The following SPAG16 variants were observed in gnomAD, a reference collection of about 807,000 sequenced individuals.
The protein encoded by SPAG16 is sperm-associated antigen 16 protein.
In SPAG16, 86 loss-of-function variants were observed where a neutral mutation model predicts 80.4. The ratio of observed to expected loss-of-function variants is 1.07; its 90% CI spans 0.90 to 1.28. SPAG16 has a LOEUF of 1.28. SPAG16 is among the 50% of genes most tolerant of loss of function. The probability of loss-of-function intolerance (pLI) is 0.00; values close to 1 mark genes in which losing one functional copy is unlikely to be tolerated. For synonymous variants in SPAG16, 294 were observed against 265.9 expected, an observed-to-expected ratio of 1.11 and a Z score of -1.03; for missense variants, 870 against 765.3, an observed-to-expected ratio of 1.14 and a Z score of -1.61.
chr2:213,312,746 G>T (rs2063247306), intron 4 of SPAG16, among the ~76,000 whole-genome samples: 1 of 151,692 alleles, frequency 6.6e-6, no homozygotes, highest in Non-Finnish European at 1.5e-5. Context: ...AATAATGGAA[G>T]AGATTGTAAA....
intron 15 of SPAG16, among the ~76,000 whole-genome samples, chr2:214,224,874 T>G (rs562415657): frequency 2.4e-4 from 36 of 152,128 alleles, no homozygotes; most frequent in Non-Finnish European, 4.7e-4. Context: ...AGGGCTTATC[T>G]TCTAGTGAGG....
Position 213,727,856 on chromosome 2 carries a change from A to AT in SPAG16, c.1071-134625dup, listed in dbSNP as rs776352694. Among the ~76,000 whole-genome samples, 309 of 151,628 alleles carry AT rather than the reference A, an allele frequency of 2.0e-3. 3 individuals are homozygous for AT. Among genetic ancestry groups the AT allele is most frequent in the Middle Eastern group, 3.4e-3 (1 of 292 alleles). On this transcript the variant is annotated intron_variant, in intron 10 of 15. Coordinates refer to ENST00000331683, the MANE Select transcript of SPAG16 (RefSeq NM_024532.5). ...GATGAATGACTTTTTATTTTATTTT[A>AT]TTTTATTTTGAGACGGAATTTCACT... is the stretch of plus-strand genomic sequence containing the variant.
chr2:213,632,683 A>G (rs1255530628), intron 10 of SPAG16, among the ~76,000 whole-genome samples: 1 of 152,050 alleles, frequency 6.6e-6, no homozygotes, highest in Non-Finnish European at 1.5e-5. Flanking sequence ...TTATGAAGGA[A>G]TGTTGAATTT....
At chr2:213,434,180 A>G (rs992486574) in intron 9 of SPAG16, among the ~76,000 whole-genome samples, 3 of 152,056 alleles carry the variant, frequency 2.0e-5, no homozygotes, top group Non-Finnish European at 4.4e-5. Flanking sequence ...TCGGCCTCCC[A>G]AAGTGCTGGG....
At chr2:214,201,506 T>C (rs550856916) in intron 15 of SPAG16, among the ~76,000 whole-genome samples, 150 of 152,260 alleles carry the variant, frequency 9.9e-4, no homozygotes, top group African/African-American at 3.5e-3. Context: ...AAGATAGCCA[T>C]TGGAAAGAAT....
chr2:213,429,556 A>G (rs2070159534), intron 9 of SPAG16, among the ~76,000 whole-genome samples: 1 of 152,218 alleles, frequency 6.6e-6, no homozygotes, highest in Non-Finnish European at 1.5e-5. Flanking sequence ...ATCCAATACA[A>G]AATTTACTGG....
intron 15 of SPAG16, among the ~76,000 whole-genome samples, chr2:214,361,160 G>A (rs996307505): frequency 2.0e-5 from 3 of 151,794 alleles, no homozygotes; most frequent in African/African-American, 7.2e-5. Flanking sequence ...TGCTATTCAC[G>A]ATGTTCTCTC....
chr2:213,506,501 T>A (rs1479228881), intron 10 of SPAG16, among the ~76,000 whole-genome samples: 1 of 152,208 alleles, frequency 6.6e-6, no homozygotes, highest in Non-Finnish European at 1.5e-5. Context: ...CCTAATTTCC[T>A]TCTACACCTT....
intron 15 of SPAG16, among the ~76,000 whole-genome samples, chr2:214,394,508 A>G (rs1307121035): frequency 6.6e-6 from 1 of 152,162 alleles, no homozygotes; most frequent in African/African-American, 2.4e-5. Context: ...ATCCTAAGAG[A>G]TATTTTACCT....
At chr2:213,416,475 G>T (rs966663364) in intron 9 of SPAG16, among the ~76,000 whole-genome samples, 4 of 152,062 alleles carry the variant, frequency 2.6e-5, no homozygotes, top group African/African-American at 9.7e-5. Context: ...AGGGAATGTG[G>T]TCCTACTCTT....
At chr2:214,228,397 G>A (rs73987200) in intron 15 of SPAG16, among the ~76,000 whole-genome samples, 7,644 of 151,794 alleles carry the variant, frequency 0.05, 654 homozygotes, top group African/African-American at 0.17. Flanking sequence ...TGCATTCATA[G>A]GAAATATTTT....
intron 15 of SPAG16, among the ~76,000 whole-genome samples, chr2:214,162,872 G>A (rs2056498856): frequency 1.3e-5 from 2 of 152,016 alleles, no homozygotes; most frequent in Admixed American, 1.3e-4. Context: ...AACATGATCT[G>A]CATTAAGTTC....
At chr2:213,847,266 A>G (rs1052611992) in intron 10 of SPAG16, among the ~76,000 whole-genome samples, 9 of 152,132 alleles carry the variant, frequency 5.9e-5, no homozygotes, top group Admixed American at 3.9e-4. Context: ...GTGTTATGCC[A>G]TTATTGCACT....
chr2:213,398,138 T>G (rs2068133997), intron 9 of SPAG16, among the ~76,000 whole-genome samples: 1 of 151,970 alleles, frequency 6.6e-6, no homozygotes, highest in Non-Finnish European at 1.5e-5. Flanking sequence ...ACATTTTCAT[T>G]TTTTCTTACC....
chr2:214,389,072 A>AGAG (rs1700918998), intron 15 of SPAG16, among the ~76,000 whole-genome samples: 2 of 152,310 alleles, frequency 1.3e-5, no homozygotes, highest in African/African-American at 4.8e-5. Flanking sequence ...AATCAAGAGA[A>AGAG]ATATTTCTCT....
chr2:213,363,867 GTAAT>G (rs1559456960), intron 7 of SPAG16, among the ~76,000 whole-genome samples: 3 of 151,950 alleles, frequency 2.0e-5, no homozygotes, highest in Non-Finnish European at 4.4e-5. Context: ...CCTAAAATAA[GTAAT>G]TAATAATTAG....
chr2:213,343,822 G>T lies in SPAG16; in HGVS notation c.644+3552G>T, dbSNP rs73987997. On this transcript the variant is annotated intron_variant, in intron 6 of 15. Coordinates refer to ENST00000331683, the MANE Select transcript of SPAG16 (RefSeq NM_024532.5). ...AAAGAGAAAAAAGCTGAAAAGAAAT[G>T]AGCAGGGACTCAAAGAAAAAAGACT... Among the ~76,000 whole-genome samples the T allele has an allele frequency of 7.6e-3, 1,153 of 152,134 alleles. 26 individuals carry two copies. Among genetic ancestry groups the T allele is most frequent in the African/African-American group, 0.027 (1,108 of 41,496 alleles).
At chr2:214,273,286 C>A (rs933690861) in intron 15 of SPAG16, among the ~76,000 whole-genome samples, 4 of 152,220 alleles carry the variant, frequency 2.6e-5, no homozygotes, top group African/African-American at 9.6e-5. Flanking sequence ...TGCAGAAGAT[C>A]TTAGTTTAAT....
intron 15 of SPAG16, among the ~76,000 whole-genome samples, chr2:214,392,729 T>C (rs1701162250): frequency 6.7e-6 from 1 of 149,870 alleles, no homozygotes; most frequent in Non-Finnish European, 1.5e-5. Flanking sequence ...GAGTGGTCAC[T>C]GACTTAACAG....
Sources: gnomAD v4.1 joint callset for allele counts (sites outside exome capture counted in the v4.1 genomes callset) on GRCh38, gnomAD v4.1.1 for gene constraint, MANE v1.5 for transcripts, NCBI Gene and HGNC (gene_info 2026-07-23, HGNC 2026-07-21) for gene names.